Variants in IQSEC1 observed in about 807,000 individuals in gnomAD.
IQSEC1 encodes the protein IQ motif and Sec7 domain ArfGEF 1, also known as IQ motif and SEC7 domain-containing protein 1.
In IQSEC1, 31 loss-of-function variants were observed where a neutral mutation model predicts 91.0. The observed-to-expected ratio is 0.34, with a 90% CI of 0.26 to 0.46. The LOEUF is 0.46. Ranked by LOEUF, IQSEC1 falls within the 20% of genes least tolerant of loss-of-function variation. IQSEC1 has a pLI of 1.00. For synonymous variants in IQSEC1, 699 were observed against 662.6 expected (o/e 1.05, Z -0.84); for missense variants, 1,388 against 1,575.6 (o/e 0.88, Z 2.02).
At chr3:13,251,538 T>C (rs910623107) in intron 1 of IQSEC1, among the ~76,000 whole-genome samples, 2 of 152,222 alleles carry the variant, frequency 1.3e-5, no homozygotes, top group Non-Finnish European at 2.9e-5. Context: ...ACCAGCAAGA[T>C]GCAGAGGAAA....
chr3:12,979,367 G>A lies in IQSEC1; in HGVS notation c.24-37502C>T, dbSNP rs545069316. ...GCACAGAGAATCCACATGACAGGAC[G>A]CCGCCAATAAAACAGAAGCATGCTT... On this transcript the variant is annotated intron_variant, in intron 1 of 13. Transcript: ENST00000613206. This position sits in a 1 kb window ranked among gnomAD's most constrained non-coding sequence, Gnocchi z 4.3. Among the ~76,000 whole-genome samples the A allele has an allele frequency of 3.7e-4, 57 of 152,274 alleles. No homozygotes were observed. Among genetic ancestry groups the A allele is most frequent in the East Asian group, 1.9e-4 (1 of 5,186 alleles).
rs145477286 is a variant in IQSEC1 at position 13,240,330 on chromosome 3, C to T, written c.272+42381G>A. 1.4e-3 allele frequency among the ~76,000 whole-genome samples: 216 copies of T among 152,280 alleles called. 5 individuals carry two copies. In the East Asian group the frequency reaches 0.04, roughly 28 times the overall value. On this transcript the variant is annotated intron_variant, in intron 1 of 15. Transcript: ENST00000648114. ...AGGCTGCAGTGAGCTATAATGACAG[C>T]ACTGCACTCCAGCCTGGGTGACAGA... is the stretch of plus-strand genomic sequence containing the variant.
Position 12,976,569 on chromosome 3 carries a change from T to C in IQSEC1, c.24-34704A>G, listed in dbSNP as rs112179754. On this transcript the variant is annotated intron_variant, in intron 1 of 13. Coordinates refer to ENST00000613206, the MANE Select transcript of IQSEC1 (RefSeq NM_001134382.3). ...ATGAAGGGCTCTACGACAATACATGTATGTTCTGTCACTTCTTCCTCGGGA... is the reference window on the plus strand; with the variant it reads ...ATGAAGGGCTCTACGACAATACATGCATGTTCTGTCACTTCTTCCTCGGGA... Among the ~76,000 whole-genome samples, 1,038 of 134,726 alleles carry C rather than the reference T, an allele frequency of 7.7e-3. 16 individuals carry two copies. The highest frequency in any genetic ancestry group is 0.024 in the African/African-American group (980 of 40,286). 88.4% of individuals were successfully genotyped at this position (134,726 alleles called of 152,430 possible).
intron 2 of IQSEC1, among the ~76,000 whole-genome samples, chr3:13,141,882 A>G (rs1706804840): frequency 1.3e-5 from 2 of 152,222 alleles, no homozygotes; most frequent in Admixed American, 1.3e-4. Flanking sequence ...CTTCTCGTTC[A>G]GAGGCCCAAA....
intron 7 of IQSEC1, 94 bp downstream of exon 7, chr3:12,915,500 A>T: frequency 7.3e-7 from 1 of 1,362,640 alleles, no homozygotes; most frequent in Non-Finnish European, 1.0e-6. Context: ...GGAAGAGACC[A>T]CACGGAGTGG....
intron 6 of IQSEC1, among the ~76,000 whole-genome samples, chr3:12,920,112 G>T (rs1000943534): frequency 6.6e-6 from 1 of 152,170 alleles, no homozygotes; most frequent in Admixed American, 6.5e-5. Flanking sequence ...TATACTTTTA[G>T]GTAAAGACAC....
intron 2 of IQSEC1, among the ~76,000 whole-genome samples, chr3:13,135,357 C>G (rs1706689816): frequency 6.6e-6 from 1 of 152,220 alleles, no homozygotes; most frequent in Non-Finnish European, 1.5e-5. Context: ...AGCCTGGGAG[C>G]TAGATGGGGC....
chr3:13,247,988 C>T (rs1166840147), intron 1 of IQSEC1, among the ~76,000 whole-genome samples: 1 of 152,190 alleles, frequency 6.6e-6, no homozygotes, highest in African/African-American at 2.4e-5. Context: ...TGCCTGTGGT[C>T]AAGTCCAAGC....
chr3:13,066,178 C>T (rs1335474716), intron 1 of IQSEC1, among the ~76,000 whole-genome samples: 1 of 152,150 alleles, frequency 6.6e-6, no homozygotes, highest in Non-Finnish European at 1.5e-5. Context: ...ACTGTGAATG[C>T]ACTTACTGCC....
chr3:13,263,435 G>GAAAAAGTACCTGGCACTTTTTTTTTTT (rs1559288981), intron 1 of IQSEC1, among the ~76,000 whole-genome samples: 1 of 130,350 alleles, frequency 7.7e-6, no homozygotes, highest in Admixed American at 8.2e-5. Flanking sequence ...TTTGGGGGGG[G>GAAAAAGTACCTGGCACTTTTTTTTTTT]GGGGAAAGTA....
chr3:13,117,709 AC>A (rs944564288), intron 2 of IQSEC1, among the ~76,000 whole-genome samples: 6 of 151,584 alleles, frequency 4.0e-5, no homozygotes, highest in Admixed American at 4.0e-4. Flanking sequence ...ATATGGTGAA[AC>A]CCCATCTCTA....
intron 1 of IQSEC1, among the ~76,000 whole-genome samples, chr3:13,043,555 C>T (rs1305090893): frequency 6.6e-6 from 1 of 152,244 alleles, no homozygotes; most frequent in Non-Finnish European, 1.5e-5. Context: ...TATAGCAGCT[C>T]AGCCCCCTTC....
rs577259296 is a variant in IQSEC1, at chr3:13,032,278, T to C, written c.23+40714A>G. On this transcript the variant is annotated intron_variant, in intron 1 of 13. Coordinates refer to ENST00000613206, the MANE Select transcript of IQSEC1 (RefSeq NM_001134382.3). ...ACTACTCTCCAATCCTCACAGCTCA[T>C]CCAGAGCTGCCAACTGACCTCATGC... 2.6e-5 allele frequency among the ~76,000 whole-genome samples: 4 copies of C among 152,322 alleles called. No homozygotes were observed. The South Asian group carries it at 6.2e-4, about 24-fold the overall frequency.
Position 13,255,832 on chromosome 3 carries a change from A to G in IQSEC1, c.272+26879T>C, listed in dbSNP as rs114659840. Reference sequence around the variant, plus strand: ...TGACTGATTTGCTCCCCAAAATGGGATGCCTGGTTTTCCAACTAGCTTCAA... The same window carrying G: ...TGACTGATTTGCTCCCCAAAATGGGGTGCCTGGTTTTCCAACTAGCTTCAA... On this transcript the variant is annotated intron_variant, in intron 1 of 15. Coordinates refer to the IQSEC1 transcript ENST00000648114. 4.1e-3 allele frequency among the ~76,000 whole-genome samples: 631 copies of G among 152,330 alleles called. 8 individuals are homozygous for G. Among genetic ancestry groups the G allele is most frequent in the African/African-American group, 0.014 (593 of 41,564 alleles).
At chr3:13,013,556 GAC>G (rs1311371739) in intron 1 of IQSEC1, among the ~76,000 whole-genome samples, 1 of 152,204 alleles carries the variant, frequency 6.6e-6, no homozygotes, top group Non-Finnish European at 1.5e-5. Flanking sequence ...TCTAATAGGT[GAC>G]ATGTGTCCAT....
intron 2 of IQSEC1, among the ~76,000 whole-genome samples, chr3:13,101,419 C>CA (rs5846799): frequency 0.079 from 9,389 of 119,398 alleles, 595 homozygotes; most frequent in East Asian, 0.22. Flanking sequence ...ATTCCATCTC[C>CA]AAAAAAAAAA....
chr3:12,929,578 C>T (rs1199676927), intron 3 of IQSEC1, among the ~76,000 whole-genome samples: 8 of 152,210 alleles, frequency 5.3e-5, no homozygotes, highest in Admixed American at 5.2e-4. Context: ...GCTTCTGCCC[C>T]AGAAGTCCCT....
At chr3:13,071,141 C>T (rs532392430) in intron 1 of IQSEC1, among the ~76,000 whole-genome samples, 2 of 110,766 alleles carry the variant, frequency 1.8e-5, no homozygotes, top group South Asian at 3.9e-4. Flanking sequence ...GGGACCCACA[C>T]AGTTTTTTTT....
intron 2 of IQSEC1, among the ~76,000 whole-genome samples, chr3:13,080,977 T>C (rs1705638704): frequency 6.6e-6 from 1 of 152,194 alleles, no homozygotes. Flanking sequence ...CTCAAACAAA[T>C]GTTAAGGTAA....
Sources: gnomAD v4.1 joint callset for allele counts (sites outside exome capture counted in the v4.1 genomes callset) on GRCh38, gnomAD v4.1.1 for gene constraint, Gnocchi (gnomAD v3.1) non-coding constraint, MANE v1.5 for transcripts, NCBI Gene and HGNC (gene_info 2026-07-23, HGNC 2026-07-21) for gene names.